The following FNDC3B variants were observed in gnomAD, a reference collection of about 807,000 sequenced individuals.
FNDC3B encodes fibronectin type III domain containing 3B.
A neutral mutation model predicts 151.5 loss-of-function variants in FNDC3B; 12 were observed. The observed-to-expected ratio is 0.08, with a 90% CI of 0.05 to 0.13. FNDC3B has a LOEUF of 0.13. FNDC3B is among the 10% of genes least tolerant of loss of function. The pLI is 1.00. For missense variants in FNDC3B, 1,214 were observed against 1,505.3 expected, an observed-to-expected ratio of 0.81 and a Z score of 3.20; for synonymous variants, 528 against 549.0, an observed-to-expected ratio of 0.96 and a Z score of 0.54.
At chr3:172,146,600 A>G (rs1721921682) in intron 3 of FNDC3B, among the ~76,000 whole-genome samples, 1 of 152,222 alleles carries the variant, frequency 6.6e-6, no homozygotes, top group African/African-American at 2.4e-5. Flanking sequence ...GGACAGCTCA[A>G]GAAATTCTTG....
At chr3:172,283,006 G>A (rs979466836) in intron 6 of FNDC3B, among the ~76,000 whole-genome samples, 1 of 152,372 alleles carries the variant, frequency 6.6e-6, no homozygotes, top group Admixed American at 6.5e-5. Flanking sequence ...GTGAAATGGA[G>A]CAGAGAATGT....
intron 3 of FNDC3B, among the ~76,000 whole-genome samples, chr3:172,218,840 T>C (rs1726128872): frequency 6.6e-6 from 1 of 152,166 alleles, no homozygotes; most frequent in Non-Finnish European, 1.5e-5. Context: ...TAGTCACAGG[T>C]TGGAGAGACC....
chr3:172,120,136 T>C (rs546791800), intron 2 of FNDC3B, among the ~76,000 whole-genome samples: 2 of 152,302 alleles, frequency 1.3e-5, no homozygotes, highest in Non-Finnish European at 2.9e-5. Context: ...ATAGGACATA[T>C]AATTATGGCA....
intron 3 of FNDC3B, among the ~76,000 whole-genome samples, chr3:172,158,850 C>A (rs1055643159): frequency 1.3e-5 from 2 of 152,140 alleles, no homozygotes; most frequent in African/African-American, 4.8e-5. Context: ...TCTTCTCTTT[C>A]TCCTCCTCCT....
At chr3:172,325,062 C>T (rs1049433929) in intron 11 of FNDC3B, among the ~76,000 whole-genome samples, 81 of 152,328 alleles carry the variant, frequency 5.3e-4, no homozygotes, top group African/African-American at 1.7e-3. Context: ...GCCTAGCAGC[C>T]GTAGCTGGCC....
At chr3:172,224,307 T>C (rs184716020) in intron 3 of FNDC3B, among the ~76,000 whole-genome samples, 1 of 152,386 alleles carries the variant, frequency 6.6e-6, no homozygotes, top group Admixed American at 6.5e-5. Flanking sequence ...GTTTAAATTA[T>C]ACTTAAGAAT....
rs956594855 is a variant in FNDC3B, at chr3:172,335,057, A to G, written c.1755A>G (p.Thr585=). 3.1e-6 allele frequency: 5 copies of G among 1,610,092 alleles called. No homozygotes were observed. The highest frequency in any genetic ancestry group is 1.6e-4 in the Middle Eastern group (1 of 6,074). ...GACCGCTTGTCAAAGGCCCAGTTAC[A>G]TCTCATGGCTTTAGTGTCAAATGGG... ...PTRPLVKGPV[T]SHGFSVKWDP... Residue 585 remains threonine, a synonymous_variant, in exon 15 of 26, where the codon ACA becomes ACG. Transcript: ENST00000415807.
At chr3:172,126,392 A>G (rs1330492269) in intron 2 of FNDC3B, among the ~76,000 whole-genome samples, 1 of 152,190 alleles carries the variant, frequency 6.6e-6, no homozygotes, top group Non-Finnish European at 1.5e-5. Flanking sequence ...TCATGTGTAC[A>G]AGTCAGTGTG....
At chr3:172,279,765 G>T (rs990376775) in intron 6 of FNDC3B, among the ~76,000 whole-genome samples, 1 of 152,156 alleles carries the variant, frequency 6.6e-6, no homozygotes, top group Non-Finnish European at 1.5e-5. Context: ...TCACTAAATG[G>T]AGAGTCTTAG....
At chr3:172,385,011 T>C (rs1735633512) in intron 25 of FNDC3B, among the ~76,000 whole-genome samples, 1 of 152,080 alleles carries the variant, frequency 6.6e-6, no homozygotes, top group African/African-American at 2.4e-5. Context: ...CAAGAAATGA[T>C]TAAGGAGAGT....
intron 6 of FNDC3B, among the ~76,000 whole-genome samples, chr3:172,260,803 T>G (rs1381852489): frequency 6.6e-6 from 1 of 152,134 alleles, no homozygotes. Context: ...CAGTCCTCTC[T>G]CCGTGCTTTT....
chr3:172,148,718 CTGAG>C (rs1165891120), intron 3 of FNDC3B: 1 of 152,170 alleles, frequency 6.6e-6, no homozygotes, highest in Non-Finnish European at 1.5e-5. Context: ...GATTGCCAGA[CTGAG>C]TATTATTAGT....
At chr3:172,131,302 C>T (rs9290444) in intron 2 of FNDC3B, among the ~76,000 whole-genome samples, 1 of 151,428 alleles carries the variant, frequency 6.6e-6, no homozygotes, top group Non-Finnish European at 1.5e-5. Context: ...CTGAGGCAGG[C>T]GAATTGCTTG....
chr3:172,389,156 A>G (rs1426172032), intron 25 of FNDC3B, among the ~76,000 whole-genome samples: 1 of 152,232 alleles, frequency 6.6e-6, no homozygotes, highest in Non-Finnish European at 1.5e-5. Context: ...TAATAACATA[A>G]GTTTACAAGT....
chr3:172,067,668 G>A (rs1717565251), intron 1 of FNDC3B, among the ~76,000 whole-genome samples: 1 of 151,578 alleles, frequency 6.6e-6, no homozygotes, highest in Non-Finnish European at 1.5e-5. Flanking sequence ...CTGGATCAGT[G>A]GAGCAAAATG....
chr3:172,102,102 C>T (rs144384116), intron 1 of FNDC3B, among the ~76,000 whole-genome samples: 90 of 152,218 alleles, frequency 5.9e-4, no homozygotes, highest in African/African-American at 2.0e-3. Flanking sequence ...TTAGCCAGCT[C>T]TTCTACTTGG....
chr3:172,123,670 GA>G (rs1316689887), intron 2 of FNDC3B, among the ~76,000 whole-genome samples: 3 of 152,164 alleles, frequency 2.0e-5, no homozygotes. Flanking sequence ...TATATTGCCA[GA>G]ATGGATCTGT....
At chr3:172,342,280 G>A (rs1733364500) in intron 17 of FNDC3B, among the ~76,000 whole-genome samples, 1 of 152,220 alleles carries the variant, frequency 6.6e-6, no homozygotes, top group Non-Finnish European at 1.5e-5. Flanking sequence ...TGCCTCCCAG[G>A]TGGAGTAAAT....
At chr3:172,226,105 A>C (rs991827338) in intron 3 of FNDC3B, among the ~76,000 whole-genome samples, 1 of 152,106 alleles carries the variant, frequency 6.6e-6, no homozygotes, top group Non-Finnish European at 1.5e-5. Flanking sequence ...CAGGAGTTCA[A>C]GACCAGCCTG....
Sources: allele counts gnomAD v4.1 joint callset (sites outside exome capture counted in the v4.1 genomes callset), GRCh38; gene constraint gnomAD v4.1.1; transcripts MANE v1.5; gene names NCBI Gene and HGNC (gene_info 2026-07-23, HGNC 2026-07-21).